The following TMEM131L variants were observed in gnomAD, a reference collection of about 807,000 sequenced individuals.
TMEM131L encodes transmembrane 131 like.
Under a neutral mutation model 192.2 loss-of-function variants are expected in TMEM131L, and 54 were observed. That is an observed-to-expected ratio of 0.28 (90% CI 0.23 to 0.35). The LOEUF (loss-of-function observed/expected upper bound fraction) is 0.35. Among genes scored for constraint, TMEM131L ranks in the 10% least tolerant of loss-of-function variants. TMEM131L has a pLI of 1.00. For missense variants in TMEM131L, 1,888 were observed against 1,972.9 expected (o/e 0.96, Z 0.82); for synonymous variants, 701 against 704.9 (o/e 0.99, Z 0.09).
chr4:153,569,559 A>C (rs1295177931), intron 7 of TMEM131L, among the ~76,000 whole-genome samples: 1 of 152,172 alleles, frequency 6.6e-6, no homozygotes, highest in Non-Finnish European at 1.5e-5. Context: ...AGTAGAAAAT[A>C]TCAGCCATAT....
In TMEM131L at chr4:153,467,358, C is replaced by T. The variant is rs1373646612; in HGVS notation, c.195+77C>T. The T allele has an allele frequency of 1.0e-5, 13 of 1,292,766 alleles. No individual in the cohort carries two copies. The East Asian group carries it at 3.3e-4, about 33-fold the overall frequency. 80.1% of individuals were successfully genotyped at this position (1,292,766 alleles called of 1,614,324 possible). A position where few individuals can be genotyped will look rare whatever the true frequency, so the allele number is the denominator to read the frequency against. ...CGGGGAGGCCCCCGGTCCTCCCCAC[C>T]CCCTGTCCAAGCGGCACAGGCGTTC... is the stretch of plus-strand genomic sequence containing the variant. On this transcript the variant is annotated intron_variant, in intron 2 of 34. Transcript: ENST00000409959.
intron 3 of TMEM131L, among the ~76,000 whole-genome samples, chr4:153,540,368 C>T (rs1437320400): frequency 2.6e-5 from 4 of 152,258 alleles, no homozygotes; most frequent in Middle Eastern, 3.4e-3. Context: ...GAAGACAGCA[C>T]GTTCAGCCTT....
intron 2 of TMEM131L, among the ~76,000 whole-genome samples, chr4:153,468,638 G>A (rs1330486155): frequency 6.6e-6 from 1 of 152,184 alleles, no homozygotes; most frequent in Non-Finnish European, 1.5e-5. Flanking sequence ...GGGCTACAGA[G>A]TTCTTTGTTG....
At chr4:153,470,616 G>A (rs1362843416) in intron 2 of TMEM131L, among the ~76,000 whole-genome samples, 2 of 152,226 alleles carry the variant, frequency 1.3e-5, no homozygotes, top group African/African-American at 4.8e-5. Context: ...GCAAAGTGGT[G>A]ATGGTGTGGA....
intron 3 of TMEM131L, among the ~76,000 whole-genome samples, chr4:153,507,220 G>A (rs1354700612): frequency 1.3e-5 from 2 of 152,184 alleles, no homozygotes; most frequent in African/African-American, 2.4e-5. Flanking sequence ...GGCCAGGCTT[G>A]TTTTTATCTG....
At chr4:153,632,321 CA>C (rs1186167959) in intron 31 of TMEM131L, 24 of 141,104 alleles carry the variant, frequency 1.7e-4, no homozygotes, top group South Asian at 9.0e-4. Flanking sequence ...TCCCCCCACC[CA>C]AAAAAAAATG....
At chr4:153,574,182 C>T (rs1032948137) in intron 7 of TMEM131L, among the ~76,000 whole-genome samples, 26 of 152,158 alleles carry the variant, frequency 1.7e-4, no homozygotes, top group African/African-American at 5.1e-4. Context: ...TATCCATATG[C>T]AGTAGCCTCT....
At chr4:153,598,514 G>A (rs13118949) in intron 20 of TMEM131L, 76 bp from the exon 21 acceptor site, 5 of 1,205,150 alleles carry the variant, frequency 4.1e-6, no homozygotes, top group Non-Finnish European at 5.9e-6. Flanking sequence ...TGATAACTGG[G>A]AATATTTAAA....
intron 2 of TMEM131L, among the ~76,000 whole-genome samples, chr4:153,472,552 A>C (rs1282403168): frequency 6.6e-6 from 1 of 152,192 alleles, no homozygotes; most frequent in Admixed American, 6.5e-5. Context: ...AAAAACAAAA[A>C]ACACCTGCCC....
chr4:153,575,788 G>GT (rs2150673170), intron 7 of TMEM131L, among the ~76,000 whole-genome samples: 1 of 152,152 alleles, frequency 6.6e-6, no homozygotes, highest in Admixed American at 6.5e-5. Context: ...GTTTTTATTT[G>GT]TTTTTCCTGT....
intron 26 of TMEM131L, among the ~76,000 whole-genome samples, chr4:153,613,382 A>G (rs373126500): frequency 9.2e-5 from 14 of 152,180 alleles, no homozygotes; most frequent in African/African-American, 3.4e-4. Flanking sequence ...AAAAACCAGG[A>G]GGTGGGATTG....
chr4:153,516,474 C>A (rs1298428602), intron 3 of TMEM131L, among the ~76,000 whole-genome samples: 1 of 152,180 alleles, frequency 6.6e-6, no homozygotes, highest in Non-Finnish European at 1.5e-5. Flanking sequence ...AAACAATTCA[C>A]CTGCCTCAGC....
intron 3 of TMEM131L, among the ~76,000 whole-genome samples, chr4:153,483,318 C>A (rs970858155): frequency 2.0e-4 from 30 of 152,310 alleles, no homozygotes; most frequent in African/African-American, 7.0e-4. Context: ...TGCTACATGT[C>A]ATAATATTTA....
chr4:153,601,286 C>T (rs1462049405), intron 21 of TMEM131L, among the ~76,000 whole-genome samples: 6 of 152,140 alleles, frequency 3.9e-5, no homozygotes, highest in Admixed American at 3.9e-4. Context: ...AATCCCAGCA[C>T]TTTAGGTTTC....
At chr4:153,578,055 C>G (rs1214877702) in intron 7 of TMEM131L, among the ~76,000 whole-genome samples, 1 of 152,064 alleles carries the variant, frequency 6.6e-6, no homozygotes, top group East Asian at 1.9e-4. Flanking sequence ...GGCAGAGGAA[C>G]CAGAGAGAAA....
chr4:153,606,806 C>T lies in TMEM131L; in HGVS notation c.3418+2376C>T, dbSNP rs184934026. On this transcript the variant is annotated intron_variant, in intron 25 of 34. Coordinates refer to ENST00000409959, the MANE Select transcript of TMEM131L (RefSeq NM_001131007.2). Reference sequence around the variant, plus strand: ...GTACCAGAGTGATTGTTGATCAGATCAAGTAAGAGCTGAGGAAAGAACTTT... The same window carrying T: ...GTACCAGAGTGATTGTTGATCAGATTAAGTAAGAGCTGAGGAAAGAACTTT... 3.5e-3 allele frequency among the ~76,000 whole-genome samples: 527 copies of T among 152,288 alleles called. 3 individuals carry two copies. The highest frequency in any genetic ancestry group is 0.012 in the African/African-American group (499 of 41,564).
intron 3 of TMEM131L, among the ~76,000 whole-genome samples, chr4:153,508,109 TAGGACTA>T (rs1384160626): frequency 6.6e-6 from 1 of 152,160 alleles, no homozygotes; most frequent in African/African-American, 2.4e-5. Context: ...TTAATGATGT[TAGGACTA>T]AGGAACTGAA....
intron 3 of TMEM131L, among the ~76,000 whole-genome samples, chr4:153,504,246 C>G (rs554386833): frequency 8.1e-6 from 1 of 123,632 alleles, no homozygotes. Context: ...GGATTACGGG[C>G]GTGAGCCACC....
intron 3 of TMEM131L, among the ~76,000 whole-genome samples, chr4:153,483,906 G>A (rs2149814374): frequency 6.6e-6 from 1 of 152,222 alleles, no homozygotes; most frequent in Admixed American, 6.5e-5. Flanking sequence ...GTCACGGTGG[G>A]TCAGTGAGAA....
Sources: allele counts gnomAD v4.1 joint callset (sites outside exome capture counted in the v4.1 genomes callset), GRCh38; gene constraint gnomAD v4.1.1; transcripts MANE v1.5; gene names NCBI Gene and HGNC (gene_info 2026-07-23, HGNC 2026-07-21).